The following SLC26A7 variants were observed in gnomAD, a reference collection of about 807,000 sequenced individuals.
SLC26A7 encodes solute carrier family 26 member 7.
A neutral mutation model predicts 82.5 loss-of-function variants in SLC26A7; 59 were observed. The ratio of observed to expected loss-of-function variants is 0.72; its 90% CI spans 0.58 to 0.89. The LOEUF (loss-of-function observed/expected upper bound fraction) is 0.89. Ranked by LOEUF, SLC26A7 falls within the 40% of genes least tolerant of loss-of-function variation. The pLI, the probability that SLC26A7 is intolerant of heterozygous loss-of-function variation, is 0.00. For synonymous variants in SLC26A7, 271 were observed against 274.3 expected, an observed-to-expected ratio of 0.99 and a Z score of 0.12; for missense variants, 820 against 793.0, an observed-to-expected ratio of 1.03 and a Z score of -0.41.
chr8:91,365,582 G>C (rs144148293), intron 13 of SLC26A7, among the ~76,000 whole-genome samples: 85 of 152,222 alleles, frequency 5.6e-4, no homozygotes, highest in African/African-American at 2.0e-3. Flanking sequence ...TTGTTTTCTT[G>C]AGTTATTTGT....
At chr8:91,223,240 G>T (rs569156305) in intron 2 of SLC26A7, among the ~76,000 whole-genome samples, 15 of 151,870 alleles carry the variant, frequency 9.9e-5, no homozygotes, top group South Asian at 2.1e-4. Context: ...CATTAGTCTA[G>T]CTAGCAGTCT....
Position 91,363,496 on chromosome 8 carries a change from T to C in SLC26A7, c.1446T>C (p.Asn482=). The change falls in exon 13 of 19, where the codon AAT becomes AAC. Residue 482 remains asparagine (N), a synonymous_variant. Coordinates refer to ENST00000276609, the MANE Select transcript of SLC26A7 (RefSeq NM_052832.4). ...FPRAMTVSIK[N]MKEMEFKVKT... ...GAGCAATGACTGTAAGTATAAAAAA[T>C]ATGAAAGAAATGGAATTTAAAGTGA... 2.0e-6 allele frequency: 3 copies of C among 1,510,232 alleles called. No homozygotes were observed. Among genetic ancestry groups the C allele is most frequent in the Non-Finnish European group, 1.8e-6 (2 of 1,101,514 alleles). 93.6% of individuals were successfully genotyped at this position (1,510,232 alleles called of 1,614,324 possible). A position where few individuals can be genotyped will look rare whatever the true frequency, so the allele number is the denominator to read the frequency against.
At chr8:91,282,312 G>A (rs184838489) in intron 2 of SLC26A7, among the ~76,000 whole-genome samples, 51 of 152,224 alleles carry the variant, frequency 3.4e-4, no homozygotes, top group Non-Finnish European at 4.4e-5. Flanking sequence ...CTCTGACTAC[G>A]GAATTTCTAC....
chr8:91,330,064 T>A (rs1212892734), intron 5 of SLC26A7, among the ~76,000 whole-genome samples: 1 of 152,154 alleles, frequency 6.6e-6, no homozygotes, highest in Non-Finnish European at 1.5e-5. Flanking sequence ...AATAGAATTA[T>A]GTGAAAAAGA....
At chr8:91,323,587 C>T (rs1812852013) in intron 5 of SLC26A7, among the ~76,000 whole-genome samples, 1 of 152,160 alleles carries the variant, frequency 6.6e-6, no homozygotes, top group South Asian at 2.1e-4. Flanking sequence ...ACATACCATA[C>T]TTCCCTTAGA....
At chr8:91,244,812 C>T (rs920477628), upstream of SLC26A7, among the ~76,000 whole-genome samples, 1 of 152,038 alleles carries the variant, frequency 6.6e-6, no homozygotes, top group Non-Finnish European at 1.5e-5. Context: ...TGAGCCACTG[C>T]ACCTGGCCCC....
At chr8:91,294,617 A>G (rs1209878818) in intron 3 of SLC26A7, among the ~76,000 whole-genome samples, 1 of 152,168 alleles carries the variant, frequency 6.6e-6, no homozygotes, top group African/African-American at 2.4e-5. Context: ...TGTTTGCACA[A>G]TGCTGCAGTT....
chr8:91,297,671 C>A (rs973560634), intron 4 of SLC26A7, among the ~76,000 whole-genome samples: 6 of 152,116 alleles, frequency 3.9e-5, no homozygotes, highest in African/African-American at 9.7e-5. Context: ...GACCTCCAAA[C>A]TCTTCTTTCC....
intron 16 of SLC26A7, among the ~76,000 whole-genome samples, chr8:91,391,638 A>G (rs1814971697): frequency 6.6e-6 from 1 of 152,100 alleles, no homozygotes; most frequent in South Asian, 2.1e-4. Context: ...ATGTTCCTAA[A>G]GTCTACAAGA....
upstream of SLC26A7, among the ~76,000 whole-genome samples, chr8:91,246,806 C>T (rs937264326): frequency 6.6e-6 from 1 of 152,112 alleles, no homozygotes; most frequent in Non-Finnish European, 1.5e-5. Context: ...TTGTTTTTCC[C>T]CGCAAAGGGA....
At chr8:91,347,741 A>G (rs1400983481) in intron 9 of SLC26A7, among the ~76,000 whole-genome samples, 1 of 152,218 alleles carries the variant, frequency 6.6e-6, no homozygotes, top group Non-Finnish European at 1.5e-5. Context: ...TGCCATGGTC[A>G]TCAGACTCAT....
intron 15 of SLC26A7, among the ~76,000 whole-genome samples, chr8:91,386,097 T>C (rs943573352): frequency 7.9e-5 from 12 of 152,154 alleles, no homozygotes; most frequent in Non-Finnish European, 1.5e-4. Flanking sequence ...TCATTAGCCA[T>C]GTTTGCCATG....
intron 4 of SLC26A7, among the ~76,000 whole-genome samples, chr8:91,310,882 G>A (rs1288771297): frequency 6.6e-6 from 1 of 151,992 alleles, no homozygotes; most frequent in Non-Finnish European, 1.5e-5. Context: ...GGTCTCTCAA[G>A]CTGCCTGCTT....
At chr8:91,226,222 G>A (rs1369153929) in intron 2 of SLC26A7, among the ~76,000 whole-genome samples, 1 of 151,974 alleles carries the variant, frequency 6.6e-6, no homozygotes, top group Non-Finnish European at 1.5e-5. Flanking sequence ...TCAATTTCAA[G>A]ACATCTAAAA....
intron 1 of SLC26A7, among the ~76,000 whole-genome samples, chr8:91,212,246 C>T (rs923250576): frequency 5.9e-5 from 9 of 152,088 alleles, no homozygotes; most frequent in African/African-American, 2.2e-4. Context: ...CCTAAATAGT[C>T]TCATAAAATT....
chr8:91,343,524 A>G, intron 9 of SLC26A7, 58 bp downstream of exon 9: 7 of 1,151,866 alleles, frequency 6.1e-6, no homozygotes, highest in Non-Finnish European at 7.5e-6. Context: ...CCATTCTAGG[A>G]GAGTGGGAAG....
intron 1 of SLC26A7, among the ~76,000 whole-genome samples, chr8:91,214,940 T>G (rs927426022): frequency 2.0e-5 from 3 of 152,070 alleles, no homozygotes; most frequent in Non-Finnish European, 4.4e-5. Context: ...CTTGACAGCT[T>G]CTAGAGGCTC....
At chr8:91,236,055 A>C (rs1344372584) in intron 2 of SLC26A7, among the ~76,000 whole-genome samples, 1 of 152,204 alleles carries the variant, frequency 6.6e-6, no homozygotes, top group Admixed American at 6.5e-5. Flanking sequence ...CTCAAGACAG[A>C]AGCTAAATAA....
intron 12 of SLC26A7, 61 bp from the exon 13 acceptor site, chr8:91,363,411 T>G: frequency 9.3e-7 from 1 of 1,077,962 alleles, no homozygotes; most frequent in African/African-American, 1.6e-5. Context: ...TTTGGTTTCT[T>G]CATTGTTTAT....
Sources: gnomAD v4.1 joint callset for allele counts (sites outside exome capture counted in the v4.1 genomes callset) on GRCh38, gnomAD v4.1.1 for gene constraint, MANE v1.5 for transcripts, NCBI Gene and HGNC (gene_info 2026-07-23, HGNC 2026-07-21) for gene names.